SYNPO2: variants seen among roughly 807,000 people sequenced by gnomAD.
The protein encoded by SYNPO2 is synaptopodin-2.
SYNPO2 carries 56 observed loss-of-function variants against 85.0 expected under a neutral mutation model. The ratio of observed to expected loss-of-function variants is 0.66; its 90% confidence interval spans 0.53 to 0.82. The LOEUF (loss-of-function observed/expected upper bound fraction) is 0.82, where lower values mean the gene tolerates loss of function less well. SYNPO2 is among the 40% of genes least tolerant of loss of function. The probability of loss-of-function intolerance (pLI) is 0.00; values close to 1 mark genes in which losing one functional copy is unlikely to be tolerated. For missense variants in SYNPO2, 1,575 were observed against 1,534.2 expected (o/e 1.03, Z -0.44); for synonymous variants, 602 against 591.1 (o/e 1.02, Z -0.27).
In SYNPO2 at chr4:119,030,743, C is replaced by T. The variant is rs764200310; in HGVS notation, c.1968C>T (p.Ser656=). 3 of 1,614,176 alleles carry T rather than the reference C, an allele frequency of 1.9e-6. No homozygotes were observed. The Admixed American group carries it at 5.0e-5, about 27-fold the overall frequency. The change falls in exon 4 of 5, where the codon TCC becomes TCT. Residue 656 remains serine (S), a synonymous_variant. Transcript: ENST00000307142. ...CATGGCCCCAGCCTGCCCCGTGGTC[C>T]CAGCCAGCCTTTTACGATTCGTCTG... The part of the protein sequence containing the change: ...PPPWPQPAPW[S]QPAFYDSSER...
intron 1 of SYNPO2, among the ~76,000 whole-genome samples, chr4:118,856,071 C>A (rs558981864): frequency 6.6e-6 from 1 of 152,214 alleles, no homozygotes; most frequent in African/African-American, 2.4e-5. Flanking sequence ...CTCTTCTAGC[C>A]CATGTTGTAT....
At chr4:118,897,674 A>C (rs12498249) in intron 1 of SYNPO2, among the ~76,000 whole-genome samples, 57,587 of 152,048 alleles carry the variant, frequency 0.38, 11,299 homozygotes, top group South Asian at 0.55. Context: ...GGTTACCCTT[A>C]GTTAAGATCC....
intron 1 of SYNPO2, among the ~76,000 whole-genome samples, chr4:118,985,707 G>A (rs995292908): frequency 2.0e-5 from 3 of 152,234 alleles, no homozygotes; most frequent in Admixed American, 2.0e-4. Context: ...GAAGTGTCTT[G>A]TTTAACATCT....
chr4:118,969,522 A>C (rs1735454024), intron 1 of SYNPO2, among the ~76,000 whole-genome samples: 1 of 152,088 alleles, frequency 6.6e-6, no homozygotes, highest in Non-Finnish European at 1.5e-5. Flanking sequence ...TTTATATCCC[A>C]TTGGAGAAGG....
At chr4:118,859,193 T>C (rs1731565025) in intron 1 of SYNPO2, among the ~76,000 whole-genome samples, 1 of 152,230 alleles carries the variant, frequency 6.6e-6, no homozygotes, top group African/African-American at 2.4e-5. Context: ...TTGTGTCGAC[T>C]AGAGGAAAAG....
chr4:118,941,675 C>A (rs141489866), intron 1 of SYNPO2, among the ~76,000 whole-genome samples: 317 of 152,292 alleles, frequency 2.1e-3, no homozygotes, highest in African/African-American at 7.3e-3. Flanking sequence ...TGCTTCTTGT[C>A]TCAATGATTT....
chr4:119,040,297 T>C (rs893806168), intron 4 of SYNPO2, among the ~76,000 whole-genome samples: 2 of 152,194 alleles, frequency 1.3e-5, no homozygotes, highest in African/African-American at 2.4e-5. Context: ...ACAACTAAAA[T>C]AGGAAAAGTA....
intron 1 of SYNPO2, among the ~76,000 whole-genome samples, chr4:118,923,185 C>A (rs990636509): frequency 6.6e-6 from 1 of 152,028 alleles, no homozygotes; most frequent in African/African-American, 2.4e-5. Flanking sequence ...AAATGTGGTA[C>A]ATATACACCA....
intron 1 of SYNPO2, among the ~76,000 whole-genome samples, chr4:118,853,684 T>C (rs914350075): frequency 3.9e-5 from 6 of 152,158 alleles, no homozygotes; most frequent in Admixed American, 1.3e-4. Flanking sequence ...AGTTAAATCC[T>C]TCTGGTCTTA....
At chr4:118,860,028 C>T (rs564291943) in intron 1 of SYNPO2, among the ~76,000 whole-genome samples, 1 of 152,136 alleles carries the variant, frequency 6.6e-6, no homozygotes, top group Non-Finnish European at 1.5e-5. Flanking sequence ...ATTGCGTTCC[C>T]ACCAACAGTG....
At chr4:118,940,239 A>G (rs1281878494) in intron 1 of SYNPO2, among the ~76,000 whole-genome samples, 1 of 151,870 alleles carries the variant, frequency 6.6e-6, no homozygotes, top group African/African-American at 2.4e-5. Flanking sequence ...CCGTCTCATG[A>G]TCCTCCCAAA....
chr4:118,857,853 G>A (rs189433582), intron 1 of SYNPO2, among the ~76,000 whole-genome samples: 70 of 152,196 alleles, frequency 4.6e-4, no homozygotes, highest in African/African-American at 1.6e-3. Flanking sequence ...TTTTTAAAGG[G>A]GATTCTTGGC....
chr4:118,882,099 C>G (rs959226121), intron 1 of SYNPO2, among the ~76,000 whole-genome samples: 1 of 152,174 alleles, frequency 6.6e-6, no homozygotes, highest in African/African-American at 2.4e-5. Context: ...ACTTTGCTGT[C>G]TTTGTCTGGG....
At chr4:118,923,015 TG>T (rs1207608853) in intron 1 of SYNPO2, among the ~76,000 whole-genome samples, 2 of 152,160 alleles carry the variant, frequency 1.3e-5, no homozygotes, top group African/African-American at 4.8e-5. Context: ...ATGAATTCCA[TG>T]GATATCTATT....
chr4:118,927,756 TA>T (rs1183838339), intron 1 of SYNPO2, among the ~76,000 whole-genome samples: 1,959 of 136,680 alleles, frequency 0.014, 22 homozygotes, highest in African/African-American at 0.018. Context: ...AGATGATAGA[TA>T]GATATATAGA....
intron 1 of SYNPO2, among the ~76,000 whole-genome samples, chr4:118,969,374 C>T (rs559690454): frequency 6.6e-6 from 1 of 151,766 alleles, no homozygotes; most frequent in South Asian, 2.1e-4. Flanking sequence ...CTCTTACATG[C>T]ATGGTGTTCG....
Position 119,030,827 on chromosome 4 carries a change from G to A in SYNPO2, c.2052G>A (p.Leu684=). Residue 684 remains leucine (L), a synonymous_variant, in exon 4 of 5, where the codon TTG becomes TTA. Transcript: ENST00000307142. ...ISVPAKRTGI[L]QEAKRRSTTK... Reference sequence around the variant, plus strand: ...TGCCAGCAAAAAGAACAGGAATATTGCAGGAGGCCAAAAGGAGAAGCACGA... The same window carrying A: ...TGCCAGCAAAAAGAACAGGAATATTACAGGAGGCCAAAAGGAGAAGCACGA... 6.2e-7 allele frequency: 1 copy of A among 1,614,114 alleles called. No homozygotes were observed. The highest frequency in any genetic ancestry group is 8.5e-7 in the Non-Finnish European group (1 of 1,180,038).
intron 1 of SYNPO2, among the ~76,000 whole-genome samples, chr4:119,015,902 C>T (rs1737507153): frequency 6.6e-6 from 1 of 152,140 alleles, no homozygotes; most frequent in Admixed American, 6.5e-5. Flanking sequence ...TTGGCTTTTA[C>T]TCCCTAACTT....
At chr4:119,037,698 A>C (rs566359453) in intron 4 of SYNPO2, 1 of 973,660 alleles carries the variant, frequency 1.0e-6, no homozygotes, top group Non-Finnish European at 1.2e-6. Context: ...TAAATATTTT[A>C]CATAAGTTTT....
Sources: gnomAD v4.1 joint callset for allele counts (sites outside exome capture counted in the v4.1 genomes callset) on GRCh38, gnomAD v4.1.1 for gene constraint, MANE v1.5 for transcripts, NCBI Gene and HGNC (gene_info 2026-07-23, HGNC 2026-07-21) for gene names.